Variants in PCDHA12 observed in about 807,000 individuals in gnomAD.
The protein encoded by PCDHA12 is protocadherin alpha 12.
PCDHA12 carries 44 observed loss-of-function variants against 60.0 expected under a neutral mutation model. The observed-to-expected ratio is 0.73, with a 90% confidence interval of 0.58 to 0.94. The LOEUF is 0.94. Ranked by LOEUF, PCDHA12 falls within the 40% of genes least tolerant of loss-of-function variation. PCDHA12 has a pLI of 0.00. For missense variants in PCDHA12, 1,276 were observed against 1,239.7 expected, an observed-to-expected ratio of 1.03 and a Z score of -0.44; for synonymous variants, 569 against 553.0, an observed-to-expected ratio of 1.03 and a Z score of -0.40.
intron 1 of PCDHA12, among the ~76,000 whole-genome samples, chr5:140,915,425 A>T (rs2077115235): frequency 6.6e-6 from 1 of 152,056 alleles, no homozygotes; most frequent in African/African-American, 2.4e-5. Flanking sequence ...GGGCTTGTTT[A>T]TCCCTGTCCT....
At chr5:140,995,819 C>T (rs1045622508) in intron 3 of PCDHA12, among the ~76,000 whole-genome samples, 1 of 152,088 alleles carries the variant, frequency 6.6e-6, no homozygotes, top group African/African-American at 2.4e-5. Flanking sequence ...AGGGAGATAG[C>T]CTGGCATTGC....
At chr5:140,999,656 G>A (rs1483832540) in intron 3 of PCDHA12, among the ~76,000 whole-genome samples, 2 of 152,148 alleles carry the variant, frequency 1.3e-5, no homozygotes, top group African/African-American at 4.8e-5. Context: ...CCTGAGCCCT[G>A]CTGGGTTGCG....
At chr5:140,928,711 A>C in intron 1 of PCDHA12, 1 of 1,614,098 alleles carries the variant, frequency 6.2e-7, no homozygotes, top group South Asian at 1.1e-5. Flanking sequence ...GTCTGACTCT[A>C]GTCTCTTTAG....
Position 140,876,153 on chromosome 5 carries a change from G to T in PCDHA12, c.681G>T (p.Gln227His). 2 of 1,613,964 alleles carry T rather than the reference G, an allele frequency of 1.2e-6. No individual in the cohort carries two copies. The highest frequency in any genetic ancestry group is 2.2e-5 in the South Asian group (2 of 91,086). The change falls in exon 1 of 4, where the codon CAG becomes CAT. Residue 227 changes from glutamine (Q) to histidine (H), a missense_variant. Gln to His is a conservative substitution (Grantham distance 24). Coordinates refer to ENST00000398631, the MANE Select transcript of PCDHA12 (RefSeq NM_018903.4). ...GGKPELTGSVQIQITVLDVND... is the reference protein window; with the variant it reads ...GGKPELTGSVHIQITVLDVND... ...AACCAGAACTAACAGGGTCTGTCCA[G>T]ATTCAAATAACCGTCCTGGATGTGA...
intron 1 of PCDHA12, chr5:140,883,583 G>T (rs782212784): frequency 2.5e-6 from 4 of 1,613,916 alleles, no homozygotes; most frequent in Non-Finnish European, 3.4e-6. Context: ...GTGGGCCACG[G>T]CCAGCGTGTC....
chr5:140,948,276 G>A (rs375889469), intron 1 of PCDHA12, among the ~76,000 whole-genome samples: 1 of 151,520 alleles, frequency 6.6e-6, no homozygotes, highest in East Asian at 1.9e-4. Context: ...TAGAATATCT[G>A]TAAATAATTT....
At chr5:140,934,547 C>A (rs2089905916) in intron 1 of PCDHA12, among the ~76,000 whole-genome samples, 1 of 152,124 alleles carries the variant, frequency 6.6e-6, no homozygotes, top group African/African-American at 2.4e-5. Flanking sequence ...CTAATTCTAT[C>A]ATTTCTTCTT....
At chr5:140,967,712 G>A in intron 1 of PCDHA12, 2 of 1,614,196 alleles carry the variant, frequency 1.2e-6, no homozygotes, top group Non-Finnish European at 1.7e-6. Flanking sequence ...CAGTACCGGG[G>A]AAGTGCGAGT....
intron 1 of PCDHA12, among the ~76,000 whole-genome samples, chr5:140,959,554 A>G (rs1375729843): frequency 6.6e-6 from 1 of 152,210 alleles, no homozygotes; most frequent in Non-Finnish European, 1.5e-5. Context: ...TATAAATAGA[A>G]TCAGTACTAG....
chr5:140,917,948 A>G (rs1382859222), intron 1 of PCDHA12, among the ~76,000 whole-genome samples: 2 of 151,868 alleles, frequency 1.3e-5, no homozygotes, highest in Admixed American at 1.3e-4. Flanking sequence ...TGGTAGTTTG[A>G]TAGGAACATC....
At position 140,876,947 on chromosome 5, in the gene PCDHA12, A is replaced by C; in HGVS notation, c.1475A>C (p.Tyr492Ser). 1 of 1,613,496 alleles carries C rather than the reference A, an allele frequency of 6.2e-7. No individual in the cohort carries two copies. The highest frequency in any genetic ancestry group is 8.5e-7 in the Non-Finnish European group (1 of 1,179,858). Reference sequence around the variant, plus strand: ...GCGCAGAAGAACGCGCTGGTGTCCTACTCGCTGGTGGAGCGGCGGGTGGGC... The same window carrying C: ...GCGCAGAAGAACGCGCTGGTGTCCTCCTCGCTGGTGGAGCGGCGGGTGGGC... ...ADAQKNALVS[Y>S]SLVERRVGEH... The change falls in exon 1 of 4, where the codon TAC (tyrosine) becomes TCC (serine). Residue 492 changes from tyrosine (Y) to serine (S), a missense_variant. Transcript: ENST00000398631.
chr5:140,888,980 G>A (rs1429569959), intron 1 of PCDHA12, among the ~76,000 whole-genome samples: 2 of 152,022 alleles, frequency 1.3e-5, no homozygotes, highest in Non-Finnish European at 2.9e-5. Context: ...TTGAATTTAT[G>A]ATTTATGATT....
Position 140,876,924 on chromosome 5 carries a change from G to A in PCDHA12, c.1452G>A (p.Ala484=). The A allele has an allele frequency of 2.5e-6, 4 of 1,613,824 alleles. No homozygotes were observed. Among genetic ancestry groups the A allele is most frequent in the Non-Finnish European group, 3.4e-6 (4 of 1,179,902 alleles). The part of the protein sequence containing the change: ...IFTVSAWDAD[A]QKNALVSYSL... ...CGGTGTCGGCATGGGACGCGGACGC[G>A]CAGAAGAACGCGCTGGTGTCCTACT... is the stretch of plus-strand genomic sequence containing the variant. The change falls in exon 1 of 4, where the codon GCG becomes GCA. Residue 484 remains alanine, a synonymous_variant. Transcript: ENST00000398631.
chr5:141,009,116 T>C (rs1382527068), intron 3 of PCDHA12, among the ~76,000 whole-genome samples: 1 of 152,236 alleles, frequency 6.6e-6, no homozygotes, highest in African/African-American at 2.4e-5. Flanking sequence ...TGAAACTAGA[T>C]TCTTGGTATC....
intron 1 of PCDHA12, chr5:140,882,175 G>T: frequency 6.6e-7 from 1 of 1,515,152 alleles, no homozygotes; most frequent in Non-Finnish European, 8.8e-7. Flanking sequence ...GAATCCTTCC[G>T]CACTAGGAAG....
rs373471484 is a variant in PCDHA12, at chr5:140,997,017, TA to T, written c.2516-12609del. 5.1e-4 allele frequency among the ~76,000 whole-genome samples: 78 copies of T among 152,304 alleles called. No individual in the cohort carries two copies. The South Asian group carries it at 0.011, about 21-fold the overall frequency. ...TAACAATTTTGTGTGTATCCTCCAA[TA>T]TTTTTTTGAAATTAATGAACTTTAC... On this transcript the variant is annotated intron_variant, in intron 3 of 3. Transcript: ENST00000398631.
chr5:140,950,708 T>A (rs1554219597), intron 1 of PCDHA12, among the ~76,000 whole-genome samples: 1 of 152,068 alleles, frequency 6.6e-6, no homozygotes, highest in East Asian at 1.9e-4. Context: ...AAATTTTTGT[T>A]CCTTATATCC....
chr5:140,908,834 G>A (rs915665508), intron 1 of PCDHA12, among the ~76,000 whole-genome samples: 64 of 152,226 alleles, frequency 4.2e-4, no homozygotes, highest in African/African-American at 1.4e-3. Flanking sequence ...CGATAAATGG[G>A]CTGGAGTAAC....
intron 1 of PCDHA12, chr5:140,878,061 AT>A (rs2057460632): frequency 2.4e-6 from 1 of 424,416 alleles, no homozygotes; most frequent in Non-Finnish European, 3.8e-6. Context: ...CACACTTAAT[AT>A]TTTTCTTTTT....
Sources: gnomAD v4.1 joint callset for allele counts (sites outside exome capture counted in the v4.1 genomes callset) on GRCh38, gnomAD v4.1.1 for gene constraint, MANE v1.5 for transcripts, NCBI Gene and HGNC (gene_info 2026-07-23, HGNC 2026-07-21) for gene names.